SYTL2: variants seen among roughly 807,000 people sequenced by gnomAD.
The protein encoded by SYTL2 is synaptotagmin like 2, also known as synaptotagmin-like protein 2.
SYTL2 carries 165 observed loss-of-function variants against 198.7 expected under a neutral mutation model. The observed-to-expected ratio is 0.83, with a 90% CI of 0.73 to 0.94. The LOEUF (loss-of-function observed/expected upper bound fraction) is 0.94. Among genes scored for constraint, SYTL2 ranks in the 40% least tolerant of loss-of-function variants. The pLI is 0.00. For missense variants in SYTL2, 2,835 were observed against 2,582.8 expected, an observed-to-expected ratio of 1.10 and a Z score of -2.12; for synonymous variants, 966 against 917.7, an observed-to-expected ratio of 1.05 and a Z score of -0.95.
intron 1 of SYTL2, among the ~76,000 whole-genome samples, chr11:85,803,422 A>C (rs2092917622): frequency 1.3e-5 from 2 of 152,298 alleles, no homozygotes; most frequent in Admixed American, 1.3e-4. Context: ...CAGTTGCTCT[A>C]GTCCTGGGTG....
intron 7 of SYTL2, among the ~76,000 whole-genome samples, chr11:85,732,820 T>C (rs778979787): frequency 1.3e-5 from 2 of 152,204 alleles, no homozygotes; most frequent in Non-Finnish European, 1.5e-5. Flanking sequence ...GAAACTATCA[T>C]AGGGTTCGAT....
At chr11:85,778,100 G>T (rs1018621751) in intron 1 of SYTL2, among the ~76,000 whole-genome samples, 1 of 152,016 alleles carries the variant, frequency 6.6e-6, no homozygotes, top group Non-Finnish European at 1.5e-5. Context: ...ATTACAGGCA[G>T]GAACCATCAT....
chr11:85,841,662 C>A, the SYTL2 span, among the ~76,000 whole-genome samples: 1 of 151,980 alleles, frequency 6.6e-6, no homozygotes, highest in South Asian at 2.1e-4. Flanking sequence ...CACACTGGAG[C>A]CTATCAGAGT....
intron 14 of SYTL2, chr11:85,708,297 T>C: frequency 3.7e-6 from 1 of 267,212 alleles, no homozygotes; most frequent in Non-Finnish European, 7.5e-6. Context: ...AATAAATTAA[T>C]CTTAGTAAAT....
chr11:85,846,734 ATT>A, the SYTL2 span, among the ~76,000 whole-genome samples: 178 of 131,170 alleles, frequency 1.4e-3, 1 homozygote, highest in African/African-American at 4.4e-3. Context: ...GGTTGAAACT[ATT>A]TTTTTTTTTT....
chr11:85,711,360 C>T (rs2086246182), intron 12 of SYTL2, 128 bp from the exon 13 acceptor site: 3 of 971,918 alleles, frequency 3.1e-6, no homozygotes, highest in South Asian at 1.7e-5. Flanking sequence ...GATGCTAGTG[C>T]TAATTGCCAG....
In SYTL2 at chr11:85,720,937, A is replaced by G; in HGVS notation, c.5349T>C (p.Pro1783=). 6.2e-7 allele frequency: 1 copy of G among 1,613,314 alleles called. No homozygotes were observed. Among genetic ancestry groups the G allele is most frequent in the Non-Finnish European group, 8.5e-7 (1 of 1,179,290 alleles). Residue 1783 remains proline (P), a synonymous_variant, in exon 9 of 20, where the codon CCT becomes CCC. Coordinates refer to ENST00000359152, the MANE Select transcript of SYTL2 (RefSeq NM_206927.4). ...CACTCCTTTCCAAAGTTTTCAAAAC[A>G]GGACTGGGTTCTTCTTCTGAACCTG... ...NPSSSEEEPS[P]VLKTLERSAA...
At position 85,734,173 on chromosome 11, in the gene SYTL2, G is replaced by A. The variant is rs750795984; in HGVS notation, c.1156C>T (p.Gln386Ter). 5 of 1,614,062 alleles carry A rather than the reference G, an allele frequency of 3.1e-6. No homozygotes were observed. Among genetic ancestry groups the A allele is most frequent in the Admixed American group, 3.3e-5 (2 of 60,016 alleles). ...EEFQSDPKPS[Q>*]YRKPSLFHQS... ...TGAAAAAGCGAAGGCTTTCTGTATT[G>A]AGAAGGCTTAGGGTCACTCTGAAAC... The change falls in exon 7 of 20, where the codon CAA becomes TAA. Residue 386 changes from glutamine (Q) to a stop codon, truncating the protein, a stop_gained. Coordinates refer to ENST00000359152, the MANE Select transcript of SYTL2 (RefSeq NM_206927.4). LOFTEE classifies it high-confidence loss of function.
Position 85,717,530 on chromosome 11 carries a change from T to A in SYTL2, c.5483A>T (p.Asp1828Val). 6.2e-7 allele frequency: 1 copy of A among 1,612,300 alleles called. No homozygotes were observed. The highest frequency in any genetic ancestry group is 8.5e-7 in the Non-Finnish European group (1 of 1,178,526). ...PEELVRSAED[D>V]EKPDQKPVTN... ...AACTGGCTTCTGATCTGGTTTCTCA[T>A]CTACTCAGGAGGGCAACATTGAGAA... The change falls in exon 11 of 20, where the codon GAT becomes GTT. Residue 1828 changes from aspartate (D) to valine (V), a missense_variant and splice_region_variant. Coordinates refer to ENST00000359152, the MANE Select transcript of SYTL2 (RefSeq NM_206927.4).
chr11:85,780,944 C>T (rs1339610581), intron 1 of SYTL2, among the ~76,000 whole-genome samples: 1 of 152,144 alleles, frequency 6.6e-6, no homozygotes. Context: ...TTAGAGGATA[C>T]CCAGCTGGTG....
intron 10 of SYTL2, chr11:85,717,787 GA>G: frequency 1.9e-6 from 1 of 522,944 alleles, no homozygotes. Context: ...CCACAGTATG[GA>G]AAATGGGAAG....
chr11:85,758,316 A>G (rs572642949), intron 1 of SYTL2, among the ~76,000 whole-genome samples: 1 of 152,328 alleles, frequency 6.6e-6, no homozygotes, highest in Admixed American at 6.5e-5. Context: ...TGGAGAACCC[A>G]CAAAAATGCC....
chr11:85,816,915 CAAAAAAAAAA>C, the SYTL2 span, among the ~76,000 whole-genome samples: 2 of 80,918 alleles, frequency 2.5e-5, no homozygotes, highest in Non-Finnish European at 4.6e-5. Context: ...AACCCTGTCT[CAAAAAAAAAA>C]AAAAAAAAAA....
intron 2 of SYTL2, among the ~76,000 whole-genome samples, chr11:85,751,449 T>G (rs2091505054): frequency 6.6e-6 from 1 of 152,168 alleles, no homozygotes; most frequent in South Asian, 2.1e-4. Flanking sequence ...TATCGTACCA[T>G]CTAGATGAAG....
In SYTL2 at chr11:85,695,031, C is replaced by A. The variant is rs188383294; in HGVS notation, c.*164G>T. 1,029 of 550,590 alleles carry A rather than the reference C, an allele frequency of 1.9e-3. 6 individuals carry two copies. The highest frequency in any genetic ancestry group is 2.8e-3 in the Non-Finnish European group (922 of 325,652). 34.1% of individuals were successfully genotyped at this position (550,590 alleles called of 1,614,324 possible). ...TTTTGTTATATTTAAATCCCTTGGG[C>A]CTTGTAATCAAAGAAGCACATGCAG... On this transcript the variant is annotated 3_prime_UTR_variant, in exon 20 of 20. Transcript: ENST00000359152.
At chr11:85,741,835 G>A (rs1048399138) in intron 4 of SYTL2, among the ~76,000 whole-genome samples, 3 of 152,170 alleles carry the variant, frequency 2.0e-5, no homozygotes, top group African/African-American at 7.2e-5. Flanking sequence ...TTCAACAGAC[G>A]GTAAGAAGGA....
chr11:85,698,720 G>T (rs976999220), intron 17 of SYTL2, among the ~76,000 whole-genome samples: 2 of 152,204 alleles, frequency 1.3e-5, no homozygotes, highest in East Asian at 3.9e-4. Flanking sequence ...TTAAATTTTT[G>T]TAGAGACAGA....
intron 9 of SYTL2, among the ~76,000 whole-genome samples, chr11:85,719,708 A>C (rs2087981678): frequency 6.6e-6 from 1 of 152,126 alleles, no homozygotes; most frequent in South Asian, 2.1e-4. Flanking sequence ...ATCCCTTCTA[A>C]CCCTGAGATT....
Position 85,696,306 on chromosome 11 carries a change from T to C in SYTL2, c.6451A>G (p.Thr2151Ala), listed in dbSNP as rs2083397587. 1 of 1,613,830 alleles carries C rather than the reference T, an allele frequency of 6.2e-7. No individual in the cohort carries two copies. The highest frequency in any genetic ancestry group is 8.5e-7 in the Non-Finnish European group (1 of 1,179,898). ...GGCCTGAACCCATCATACACCATAG[T>C]GTGGTTGAAGATAGGGTTGGTGGTT... Reference protein sequence around the residue: ...GKTTNPIFNHTMVYDGFRPED... With the variant: ...GKTTNPIFNHAMVYDGFRPED... The change falls in exon 19 of 20, where the codon ACT becomes GCT. Residue 2151 changes from threonine to alanine, a missense_variant. This residue lies in a region of SYTL2 where 185 missense variants were observed against 182.1 expected (regional missense o/e 1.02). Transcript: ENST00000359152.
Sources: allele counts gnomAD v4.1 joint callset (sites outside exome capture counted in the v4.1 genomes callset), GRCh38; gene constraint gnomAD v4.1.1; regional missense constraint gnomAD v4.1.1; transcripts MANE v1.5; gene names NCBI Gene and HGNC (gene_info 2026-07-23, HGNC 2026-07-21).